UBA6: variants seen among roughly 807,000 people sequenced by gnomAD.
UBA6 encodes ubiquitin like modifier activating enzyme 6.
UBA6 carries 87 observed loss-of-function variants against 148.3 expected under a neutral mutation model. That is an observed-to-expected ratio of 0.59 (90% confidence interval 0.49 to 0.70). The LOEUF is 0.70. Ranked by LOEUF, UBA6 falls within the 30% of genes least tolerant of loss-of-function variation. The probability of loss-of-function intolerance (pLI) is 0.00; values close to 1 mark genes in which losing one functional copy is unlikely to be tolerated. For synonymous variants in UBA6, 376 were observed against 401.0 expected, an observed-to-expected ratio of 0.94 and a Z score of 0.75; for missense variants, 1,186 against 1,241.2, an observed-to-expected ratio of 0.96 and a Z score of 0.67.
intron 10 of UBA6, among the ~76,000 whole-genome samples, chr4:67,664,639 A>G (rs1267843410): frequency 6.6e-6 from 1 of 152,122 alleles, no homozygotes; most frequent in Non-Finnish European, 1.5e-5. Flanking sequence ...CACATTCTCT[A>G]TATTCAGCTA....
intron 6 of UBA6, among the ~76,000 whole-genome samples, chr4:67,677,335 G>A (rs748789433): frequency 8.5e-5 from 13 of 152,304 alleles, no homozygotes; most frequent in South Asian, 4.1e-4. Context: ...ACACAGGAAA[G>A]AAATAAATGC....
Position 67,646,782 on chromosome 4 carries a change from C to A in UBA6, c.1258G>T (p.Glu420Ter). ...AGTGATTCAACAATATCTGCTGCTT[C>A]AAGATATAACTTAAAGTAGAAGATT... ...FSPLCQWLYLEAADIVESLGK... is the reference protein window; with the variant it reads ...FSPLCQWLYL Residue 420 changes from glutamate to a stop codon, truncating the protein, a stop_gained, in exon 15 of 33, where the codon GAA becomes TAA. Coordinates refer to ENST00000322244, the MANE Select transcript of UBA6 (RefSeq NM_018227.6). LOFTEE classifies it high-confidence loss of function. 1 of 1,599,000 alleles carries A rather than the reference C, an allele frequency of 6.3e-7. No homozygotes were observed. Among genetic ancestry groups the A allele is most frequent in the Non-Finnish European group, 8.5e-7 (1 of 1,172,054 alleles).
At chr4:67,678,585 C>T (rs747746268) in intron 4 of UBA6, 52 bp from the exon 5 acceptor site, 2 of 972,970 alleles carry the variant, frequency 2.1e-6, no homozygotes, top group Admixed American at 2.0e-5. Context: ...AGGATATGCA[C>T]TCTCTCCAGT....
intron 27 of UBA6, among the ~76,000 whole-genome samples, chr4:67,627,056 T>C (rs967044495): frequency 6.6e-6 from 1 of 151,932 alleles, no homozygotes; most frequent in Non-Finnish European, 1.5e-5. Context: ...TTCTTTCATA[T>C]AGAAAGTTTG....
chr4:67,647,240 C>T (rs1326458349), intron 14 of UBA6, among the ~76,000 whole-genome samples: 1 of 152,078 alleles, frequency 6.6e-6, no homozygotes, highest in Admixed American at 6.5e-5. Context: ...GTGATCTCTG[C>T]CTCCTGAGTT....
chr4:67,621,206 A>T (rs902060479), intron 32 of UBA6, among the ~76,000 whole-genome samples: 2 of 152,234 alleles, frequency 1.3e-5, no homozygotes, highest in East Asian at 3.8e-4. Flanking sequence ...AATGAAAAAT[A>T]ATATAAGGCA....
At chr4:67,677,818 G>C (rs1730321720) in intron 5 of UBA6, 96 bp from the exon 6 acceptor site, 1 of 574,146 alleles carries the variant, frequency 1.7e-6, no homozygotes, top group African/African-American at 2.0e-5. Context: ...AACCTGACAT[G>C]TTACAAAATT....
chr4:67,657,525 T>C (rs562348551), intron 13 of UBA6, among the ~76,000 whole-genome samples: 1 of 152,140 alleles, frequency 6.6e-6, no homozygotes, highest in South Asian at 2.1e-4. Flanking sequence ...AAAAATTAAC[T>C]CAAGATGGAT....
Position 67,634,517 on chromosome 4 carries a change from C to T in UBA6, c.1844G>A (p.Arg615Gln), listed in dbSNP as rs368574633. The change falls in exon 21 of 33, where the codon CGG (arginine) becomes CAG (glutamine). Residue 615 changes from arginine to glutamine, a missense_variant and splice_region_variant. Transcript: ENST00000322244. ...TGGTATTTCCTCTTCTGGGGGATCC[C>T]GCTAATTTATAAAATATGACAACAG... ...PHLTESYNSH[R>Q]DPPEEEIPFC... is the part of the protein sequence containing the mutation. The T allele has an allele frequency of 9.7e-6, 15 of 1,553,934 alleles. No homozygotes were observed. The highest frequency in any genetic ancestry group is 1.3e-5 in the Non-Finnish European group (15 of 1,159,680).
intron 27 of UBA6, among the ~76,000 whole-genome samples, chr4:67,627,057 A>G (rs1472750128): frequency 1.3e-5 from 2 of 151,942 alleles, no homozygotes; most frequent in Non-Finnish European, 2.9e-5. Flanking sequence ...TCTTTCATAT[A>G]GAAAGTTTGG....
At chr4:67,627,331 T>C (rs1728890353) in intron 27 of UBA6, among the ~76,000 whole-genome samples, 1 of 151,970 alleles carries the variant, frequency 6.6e-6, no homozygotes. Context: ...GTGACATCTG[T>C]AACCAGCAGT....
At position 67,655,928 on chromosome 4, in the gene UBA6, A is replaced by G. The variant is rs189675800; in HGVS notation, c.1104+6261T>C. On this transcript the variant is annotated intron_variant, in intron 13 of 32. Transcript: ENST00000322244. The stretch of plus-strand genomic sequence containing the variant: ...ATAAGCCCCTCTATGCAAATAAACT[A>G]GAAAATCTACAAGAAACGGATAAAT... 5.4e-4 allele frequency among the ~76,000 whole-genome samples: 83 copies of G among 152,366 alleles called. 1 individual carries two copies. The highest frequency in any genetic ancestry group is 1.9e-3 in the African/African-American group (80 of 41,590).
At chr4:67,651,793 T>TA (rs1466292243) in intron 13 of UBA6, among the ~76,000 whole-genome samples, 4 of 151,874 alleles carry the variant, frequency 2.6e-5, no homozygotes, top group African/African-American at 7.3e-5. Context: ...TATATATGGT[T>TA]AAAAAAAACT....
intron 10 of UBA6, among the ~76,000 whole-genome samples, 195 bp downstream of exon 10, chr4:67,664,994 G>C (rs72642376): frequency 6.6e-6 from 1 of 151,846 alleles, no homozygotes; most frequent in African/African-American, 2.4e-5. Context: ...TAAGTTTTTT[G>C]TTAATATCCA....
Position 67,629,068 on chromosome 4 carries a change from T to C in UBA6, c.2400+3A>G. 1.9e-6 allele frequency: 3 copies of C among 1,597,314 alleles called. No individual in the cohort carries two copies. The highest frequency in any genetic ancestry group is 2.6e-6 in the Non-Finnish European group (3 of 1,165,506). On this transcript the variant is annotated splice_donor_region_variant and intron_variant, in intron 27 of 32. Coordinates refer to ENST00000322244, the MANE Select transcript of UBA6 (RefSeq NM_018227.6). ...TGCTGAATGAATGATTTTTTAAACA[T>C]ACCTTATTGGAAGGCTTGAATTCCT...
At chr4:67,662,844 A>T (rs1233347477) in intron 12 of UBA6, 1 of 242,154 alleles carries the variant, frequency 4.1e-6, no homozygotes, top group Non-Finnish European at 7.9e-6. Flanking sequence ...TTAAAAAAAA[A>T]ATTACTATGT....
chr4:67,614,385 T>C lies in UBA6; in HGVS notation c.*4612A>G, dbSNP rs1005587002. ...CTGGGTCACAGGCCATGGTCACTCA[T>C]ATTTGGCTCAGAATAATCTCTGAAA... On this transcript the variant is annotated 3_prime_UTR_variant, in exon 33 of 33. Coordinates refer to ENST00000322244, the MANE Select transcript of UBA6 (RefSeq NM_018227.6). 1.3e-5 allele frequency: 2 copies of C among 152,208 alleles called. No homozygotes were observed. The highest frequency in any genetic ancestry group is 2.9e-5 in the Non-Finnish European group (2 of 68,050). The allele number at this position is 152,208 out of a possible 1,614,324, so 9.4% of individuals were successfully genotyped here.
At chr4:67,646,042 A>T in intron 15 of UBA6, 26 bp from the exon 16 acceptor site, 2 of 1,374,852 alleles carry the variant, frequency 1.5e-6, no homozygotes, top group Non-Finnish European at 2.0e-6. Flanking sequence ...TATACCAAAA[A>T]GCAGAAATAA....
chr4:67,676,793 G>GT (rs1024348041), intron 6 of UBA6, among the ~76,000 whole-genome samples: 3 of 151,678 alleles, frequency 2.0e-5, no homozygotes, highest in African/African-American at 7.3e-5. Context: ...AAGAAAGTCT[G>GT]TTTAGAAATT....
Sources: allele counts gnomAD v4.1 joint callset (sites outside exome capture counted in the v4.1 genomes callset), GRCh38; gene constraint gnomAD v4.1.1; transcripts MANE v1.5; gene names NCBI Gene and HGNC (gene_info 2026-07-23, HGNC 2026-07-21).